SRGAP2B: variants seen among roughly 807,000 people sequenced by gnomAD.
SRGAP2B encodes the protein SLIT-ROBO Rho GTPase activating protein 2B.
SRGAP2B carries 9 observed loss-of-function variants against 22.2 expected under a neutral mutation model. The ratio of observed to expected loss-of-function variants is 0.41; its 90% CI spans 0.24 to 0.71. SRGAP2B has a LOEUF of 0.71. Among genes scored for constraint, SRGAP2B ranks in the 30% least tolerant of loss-of-function variants. SRGAP2B has a pLI of 0.35. For missense variants in SRGAP2B, 114 were observed against 235.8 expected (o/e 0.48, Z 3.38); for synonymous variants, 36 against 87.4 (o/e 0.41, Z 3.28).
At chr1:145,024,872 A>C (rs1184411464) in intron 2 of SRGAP2B, among the ~76,000 whole-genome samples, 1 of 145,458 alleles carries the variant, frequency 6.9e-6, no homozygotes, top group Non-Finnish European at 1.5e-5. Flanking sequence ...AAAATCCAAG[A>C]AATTGGGAAC....
At position 145,009,364 on chromosome 1, in the gene SRGAP2B, G is replaced by A. The variant is rs782108510; in HGVS notation, c.68-14164C>T. ...AGCACTTTGGGAGGCCGAGGCGGGC[G>A]GATCACGAGGTCAGGAGATCGAGAC... On this transcript the variant is annotated intron_variant, in intron 2 of 9. Transcript: ENST00000612199. 2.4e-3 allele frequency among the ~76,000 whole-genome samples: 363 copies of A among 149,646 alleles called. 4 individuals are homozygous for A. Among genetic ancestry groups the A allele is most frequent in the Non-Finnish European group, 4.3e-3 (290 of 67,696 alleles).
intron 2 of SRGAP2B, among the ~76,000 whole-genome samples, chr1:145,076,127 T>G (rs4844931): frequency 6.7e-6 from 1 of 150,326 alleles, no homozygotes; most frequent in Non-Finnish European, 1.5e-5. Context: ...GTATCTTCCC[T>G]AGTAAGATGC....
chr1:144,958,149 A>C (rs1553610692), intron 3 of SRGAP2B, among the ~76,000 whole-genome samples: 1 of 151,296 alleles, frequency 6.6e-6, no homozygotes, highest in African/African-American at 2.5e-5. Flanking sequence ...TGGTGGTACA[A>C]ACAAAAGGCC....
intron 2 of SRGAP2B, among the ~76,000 whole-genome samples, chr1:145,017,090 G>C (rs1172146608): frequency 1.4e-5 from 2 of 139,970 alleles, no homozygotes; most frequent in Non-Finnish European, 3.0e-5. Context: ...CTCTGGAGTA[G>C]CTAGGATTAT....
intron 2 of SRGAP2B, among the ~76,000 whole-genome samples, chr1:145,025,675 T>TA (rs1259635481): frequency 2.7e-5 from 2 of 74,940 alleles, no homozygotes; most frequent in African/African-American, 1.0e-4. Flanking sequence ...AACCCCCAGC[T>TA]ACTCTAAGAC....
chr1:144,934,207 C>A (rs1665444304), intron 4 of SRGAP2B, among the ~76,000 whole-genome samples: 1 of 150,646 alleles, frequency 6.6e-6, no homozygotes, highest in African/African-American at 2.5e-5. Context: ...GAGTTCGAGA[C>A]TAGCCTGGCC....
At chr1:144,906,100 C>T (rs1662973416) in intron 5 of SRGAP2B, 26 bp from the exon 6 acceptor site, 2 of 711,048 alleles carry the variant, frequency 2.8e-6, no homozygotes, top group Non-Finnish European at 5.2e-6. Flanking sequence ...CACCCCCACC[C>T]CCAGAGGTCA....
intron 3 of SRGAP2B, among the ~76,000 whole-genome samples, chr1:144,984,367 A>ACAACAACAACAAC (rs1173413858): frequency 7.1e-6 from 1 of 141,010 alleles, no homozygotes. Flanking sequence ...AACAACAACA[A>ACAACAACAACAAC]AAAAAAAAAA....
chr1:145,045,378 TAAGAA>T (rs1438161309), intron 2 of SRGAP2B, among the ~76,000 whole-genome samples: 6 of 122,004 alleles, frequency 4.9e-5, no homozygotes, highest in African/African-American at 1.0e-4. Context: ...GGAAAGAAAA[TAAGAA>T]AAGAAAAGAG....
intron 4 of SRGAP2B, among the ~76,000 whole-genome samples, chr1:144,922,968 G>T (rs1664363386): frequency 6.6e-6 from 1 of 151,304 alleles, no homozygotes; most frequent in Non-Finnish European, 1.5e-5. Context: ...GAACTTCGTG[G>T]ACTCAGCTCC....
chr1:145,015,173 T>C (rs1571013559), intron 2 of SRGAP2B, among the ~76,000 whole-genome samples: 1 of 113,694 alleles, frequency 8.8e-6, no homozygotes, highest in Non-Finnish European at 1.8e-5. Flanking sequence ...GCCTCCTGGG[T>C]TCAAGCAATT....
chr1:144,971,845 C>G, intron 3 of SRGAP2B, among the ~76,000 whole-genome samples: 1 of 150,962 alleles, frequency 6.6e-6, no homozygotes, highest in South Asian at 2.1e-4. Flanking sequence ...CCTGAGATCA[C>G]ACAGACAGTG....
chr1:145,041,049 T>C (rs587607702), intron 2 of SRGAP2B, among the ~76,000 whole-genome samples: 2 of 120,718 alleles, frequency 1.7e-5, no homozygotes, highest in Non-Finnish European at 1.6e-5. Flanking sequence ...TCTGAAAAAA[T>C]ATCATTTGTT....
intron 2 of SRGAP2B, among the ~76,000 whole-genome samples, chr1:145,008,940 G>A (rs1440868006): frequency 6.7e-6 from 1 of 150,264 alleles, no homozygotes; most frequent in Non-Finnish European, 1.5e-5. Context: ...GGGAGGCCAA[G>A]GCAGGCGGAC....
chr1:144,911,950 CT>C (rs1175957935), intron 5 of SRGAP2B, among the ~76,000 whole-genome samples: 2,249 of 112,838 alleles, frequency 0.02, 82 homozygotes, highest in African/African-American at 0.08. Context: ...TTTCCTTTTT[CT>C]TTTTTTTTTT....
intron 4 of SRGAP2B, among the ~76,000 whole-genome samples, chr1:144,917,630 T>C (rs1440377596): frequency 1.4e-5 from 2 of 146,270 alleles, no homozygotes; most frequent in Non-Finnish European, 2.9e-5. Flanking sequence ...ACTGATGAGT[T>C]GGGAGGACCA....
At chr1:144,956,060 C>A (rs1423300441) in intron 3 of SRGAP2B, among the ~76,000 whole-genome samples, 1 of 149,420 alleles carries the variant, frequency 6.7e-6, no homozygotes, top group Non-Finnish European at 1.5e-5. Context: ...AACAGTTCTG[C>A]ATTGTCTGGC....
intron 2 of SRGAP2B, among the ~76,000 whole-genome samples, chr1:144,999,276 A>C (rs1553619172): frequency 6.7e-6 from 1 of 148,558 alleles, no homozygotes; most frequent in African/African-American, 2.6e-5. Flanking sequence ...ACTTTCTAGA[A>C]GCAGCTATAT....
chr1:145,018,039 A>G (rs1672557815), intron 2 of SRGAP2B, among the ~76,000 whole-genome samples: 1 of 149,816 alleles, frequency 6.7e-6, no homozygotes, highest in Non-Finnish European at 1.5e-5. Flanking sequence ...AGAGTAACAA[A>G]CTCAATTGGG....
Sources: allele counts gnomAD v4.1 joint callset (sites outside exome capture counted in the v4.1 genomes callset), GRCh38; gene constraint gnomAD v4.1.1; transcripts MANE v1.5; gene names NCBI Gene and HGNC (gene_info 2026-07-23, HGNC 2026-07-21).